The following NRXN1 variants were observed in gnomAD, a reference collection of about 807,000 sequenced individuals.
NRXN1 encodes the protein neurexin 1.
In NRXN1, 39 loss-of-function variants were observed where a neutral mutation model predicts 150.9. The ratio of observed to expected loss-of-function variants is 0.26; its 90% CI spans 0.20 to 0.34. The LOEUF (loss-of-function observed/expected upper bound fraction) is 0.34, where lower values mean the gene tolerates loss of function less well. Among genes scored for constraint, NRXN1 ranks in the 10% least tolerant of loss-of-function variants. The probability of loss-of-function intolerance (pLI) is 1.00; values close to 1 mark genes in which losing one functional copy is unlikely to be tolerated. For missense variants in NRXN1, 1,815 were observed against 1,949.9 expected (o/e 0.93, Z 1.30); for synonymous variants, 924 against 757.0 (o/e 1.22, Z -3.62).
At chr2:50,201,942 A>G (rs1411080171) in intron 18 of NRXN1, among the ~76,000 whole-genome samples, 1 of 152,018 alleles carries the variant, frequency 6.6e-6, no homozygotes, top group East Asian at 1.9e-4. Context: ...CTTAAGTTCT[A>G]TTTTCCCCAC....
intron 12 of NRXN1, among the ~76,000 whole-genome samples, chr2:50,520,009 CG>C (rs925030125): frequency 1.3e-5 from 2 of 151,750 alleles, no homozygotes; most frequent in African/African-American, 4.8e-5. Context: ...AATTAGAGAA[CG>C]GGGTGCAAAA....
chr2:50,582,199 G>C lies in NRXN1; in HGVS notation c.1321-29174C>G, dbSNP rs141369864. Among the ~76,000 whole-genome samples, 22 of 152,196 alleles carry C rather than the reference G, an allele frequency of 1.4e-4. No homozygotes were observed. In the East Asian group the frequency reaches 4.3e-3, roughly 29 times the overall value. On this transcript the variant is annotated intron_variant, in intron 8 of 22. Transcript: ENST00000401669. ...TTTGATTTGAAATATTAGTTTAATA[G>C]ATGGCTAACATCTTTCAGATCCTAA... is the stretch of plus-strand genomic sequence containing the variant.
At chr2:50,254,447 C>T (rs1159466677) in intron 17 of NRXN1, among the ~76,000 whole-genome samples, 2 of 151,120 alleles carry the variant, frequency 1.3e-5, no homozygotes, top group Admixed American at 6.6e-5. Flanking sequence ...TATTTCTTGT[C>T]TTCTGCTACC....
chr2:51,006,600 C>A (rs1174705328), intron 2 of NRXN1, among the ~76,000 whole-genome samples: 1 of 151,552 alleles, frequency 6.6e-6, no homozygotes, highest in Non-Finnish European at 1.5e-5. Flanking sequence ...CTTATAATAA[C>A]CTTCTGTTAC....
chr2:50,597,075 C>A (rs1409852557), intron 8 of NRXN1, among the ~76,000 whole-genome samples: 23 of 151,974 alleles, frequency 1.5e-4, no homozygotes, highest in African/African-American at 5.3e-4. Context: ...AACTCCTGGG[C>A]TCAAGCTATC....
chr2:50,711,467 C>A (rs1354532592), intron 5 of NRXN1, among the ~76,000 whole-genome samples: 2 of 151,478 alleles, frequency 1.3e-5, no homozygotes, highest in East Asian at 3.9e-4. Context: ...TCCTGAGTAG[C>A]TGGGATTACA....
chr2:50,201,488 G>A lies in NRXN1; in HGVS notation c.3546+35301C>T, dbSNP rs145505210. 4.1e-4 allele frequency among the ~76,000 whole-genome samples: 63 copies of A among 152,246 alleles called. 1 individual carries two copies. The highest frequency in any genetic ancestry group is 6.5e-4 in the Non-Finnish European group (44 of 68,024). On this transcript the variant is annotated intron_variant, in intron 18 of 22. Transcript: ENST00000401669. ...GGATCCAGTGGAGCTTTAAATCTAC[G>A]TAACATGAGGGAAAGTAATGCATTA... is the stretch of plus-strand genomic sequence containing the variant.
chr2:50,715,494 A>G (rs938776091), intron 5 of NRXN1, among the ~76,000 whole-genome samples: 2 of 152,174 alleles, frequency 1.3e-5, no homozygotes, highest in African/African-American at 4.8e-5. Context: ...AAATATTGTT[A>G]TTATTTCTAT....
At chr2:50,812,209 T>A (rs898259695) in intron 5 of NRXN1, among the ~76,000 whole-genome samples, 19 of 152,212 alleles carry the variant, frequency 1.2e-4, no homozygotes, top group African/African-American at 3.9e-4. Context: ...TGGTTGCTTC[T>A]GTGATTTGTG....
At chr2:50,570,465 TA>T (rs1442873061) in intron 8 of NRXN1, among the ~76,000 whole-genome samples, 6 of 152,178 alleles carry the variant, frequency 3.9e-5, no homozygotes, top group African/African-American at 1.4e-4. Context: ...CCTTCCTCCT[TA>T]TGCTAACATA....
intron 5 of NRXN1, among the ~76,000 whole-genome samples, chr2:50,694,209 A>G (rs1453371726): frequency 2.0e-5 from 3 of 152,246 alleles, no homozygotes; most frequent in Non-Finnish European, 4.4e-5. Context: ...TTACTTGAAT[A>G]TAATTAAACT....
chr2:50,447,742 T>TATATATATATAC (rs1558748284), intron 17 of NRXN1, among the ~76,000 whole-genome samples: 4 of 41,604 alleles, frequency 9.6e-5, no homozygotes, highest in African/African-American at 3.8e-4. Context: ...GAACGTTATA[T>TATATATATATAC]ATATATATAT....
chr2:50,758,229 T>G (rs1701385873), intron 5 of NRXN1: 1 of 151,832 alleles, frequency 6.6e-6, no homozygotes. Flanking sequence ...GACTCTACTA[T>G]GGTCGATTCA....
At chr2:50,200,970 C>T (rs2062118204) in intron 18 of NRXN1, among the ~76,000 whole-genome samples, 1 of 151,952 alleles carries the variant, frequency 6.6e-6, no homozygotes, top group African/African-American at 2.4e-5. Context: ...GAAAAGCTTC[C>T]CTTTTTCTCC....
intron 17 of NRXN1, among the ~76,000 whole-genome samples, chr2:50,439,740 C>T (rs2085770944): frequency 6.6e-6 from 1 of 151,366 alleles, no homozygotes; most frequent in Middle Eastern, 3.2e-3. Context: ...TGGCGTGAAC[C>T]TGGGAGGCAG....
chr2:50,674,486 C>T (rs1689286086), intron 5 of NRXN1, among the ~76,000 whole-genome samples: 1 of 152,034 alleles, frequency 6.6e-6, no homozygotes, highest in Admixed American at 6.6e-5. Flanking sequence ...AGCATAATCT[C>T]ATTGGAAGCT....
At chr2:50,582,349 C>A (rs1341482044) in intron 8 of NRXN1, among the ~76,000 whole-genome samples, 2 of 151,556 alleles carry the variant, frequency 1.3e-5, no homozygotes, top group Non-Finnish European at 2.9e-5. Flanking sequence ...ATGCCAAATC[C>A]TCTCACCTGT....
chr2:50,873,243 G>C (rs1173933632), intron 5 of NRXN1, among the ~76,000 whole-genome samples: 2 of 151,740 alleles, frequency 1.3e-5, no homozygotes, highest in Non-Finnish European at 2.9e-5. Flanking sequence ...ATGGTGACTG[G>C]CATATAATAA....
chr2:50,896,235 A>C (rs1681934886), intron 5 of NRXN1, among the ~76,000 whole-genome samples: 1 of 152,182 alleles, frequency 6.6e-6, no homozygotes, highest in Admixed American at 6.5e-5. Context: ...CCAAGAAAAA[A>C]AAATAACTCA....
Sources: allele counts gnomAD v4.1 joint callset (sites outside exome capture counted in the v4.1 genomes callset), GRCh38; gene constraint gnomAD v4.1.1; transcripts MANE v1.5; gene names NCBI Gene and HGNC (gene_info 2026-07-23, HGNC 2026-07-21).